Variants in TULP4 observed in about 807,000 individuals in gnomAD.
TULP4 encodes TUB like protein 4.
TULP4 carries 16 observed loss-of-function variants against 129.0 expected under a neutral mutation model. That is an observed-to-expected ratio of 0.12 (90% CI 0.08 to 0.19). The LOEUF is 0.19. Ranked by LOEUF, TULP4 falls within the 10% of genes least tolerant of loss-of-function variation. The probability of loss-of-function intolerance (pLI) is 1.00; values close to 1 mark genes in which losing one functional copy is unlikely to be tolerated. For missense variants in TULP4, 1,842 were observed against 2,059.1 expected (o/e 0.89, Z 2.04); for synonymous variants, 998 against 854.0 (o/e 1.17, Z -2.94).
chr6:158,465,450 G>T (rs944625655), intron 6 of TULP4, among the ~76,000 whole-genome samples: 1 of 152,128 alleles, frequency 6.6e-6, no homozygotes, highest in Non-Finnish European at 1.5e-5. Context: ...TAATTCTTCT[G>T]TGAACATGGG....
intron 1 of TULP4, among the ~76,000 whole-genome samples, chr6:158,236,744 A>C (rs9364865): frequency 0.16 from 23,342 of 150,418 alleles, 2,465 homozygotes; most frequent in East Asian, 0.43. Context: ...ATCAGCACAC[A>C]CAGATAAAGG....
intron 3 of TULP4, among the ~76,000 whole-genome samples, chr6:158,437,453 C>T (rs1778776494): frequency 6.6e-6 from 1 of 152,048 alleles, no homozygotes; most frequent in South Asian, 2.1e-4. Flanking sequence ...CCCAGCTACT[C>T]AGGAGGCTGA....
intron 9 of TULP4, among the ~76,000 whole-genome samples, chr6:158,491,231 G>T (rs558383253): frequency 6.6e-6 from 1 of 152,276 alleles, no homozygotes; most frequent in South Asian, 2.1e-4. Context: ...TCTGATAGGT[G>T]TAGTGGCATC....
At chr6:158,256,408 A>G (rs113120107) in intron 1 of TULP4, among the ~76,000 whole-genome samples, 1,817 of 152,264 alleles carry the variant, frequency 0.012, 43 homozygotes, top group African/African-American at 0.041. Context: ...CATGTTTTCT[A>G]CTTTAAGGGT....
rs564797331 is a variant in TULP4, at chr6:158,378,776, C to T, written c.253-34289C>T. ...CTGGGATTACAGGCATGCGCTACCG[C>T]GCCTGGCCAGGGGAGCCAGTTTTGA... On this transcript the variant is annotated intron_variant, in intron 1 of 13. Transcript: ENST00000367097. Among the ~76,000 whole-genome samples, 5 of 143,844 alleles carry T rather than the reference C, an allele frequency of 3.5e-5. No individual in the cohort carries two copies. In the South Asian group the frequency reaches 6.5e-4, roughly 19 times the overall value. The allele number at this position is 143,844 out of a possible 152,430, so 94.4% of individuals were successfully genotyped here. A position where few individuals can be genotyped will look rare whatever the true frequency, so the allele number is the denominator to read the frequency against.
At chr6:158,399,408 A>G (rs1323896746) in intron 1 of TULP4, among the ~76,000 whole-genome samples, 1 of 152,246 alleles carries the variant, frequency 6.6e-6, no homozygotes, top group Non-Finnish European at 1.5e-5. Context: ...TGAAAACTTC[A>G]ATGTGTATGT....
chr6:158,310,096 T>C (rs1779316399), upstream of TULP4, among the ~76,000 whole-genome samples: 1 of 152,202 alleles, frequency 6.6e-6, no homozygotes, highest in Admixed American at 6.5e-5. Context: ...ACTTGGGGTA[T>C]TAGCCCATTT....
intron 1 of TULP4, among the ~76,000 whole-genome samples, chr6:158,319,885 A>G (rs777704424): frequency 3.5e-4 from 53 of 152,222 alleles, no homozygotes; most frequent in Non-Finnish European, 1.0e-4. Flanking sequence ...CCTGTGATAC[A>G]TAGCTTCATA....
upstream of TULP4, among the ~76,000 whole-genome samples, chr6:158,311,424 T>G (rs1426758813): frequency 8.5e-5 from 13 of 152,232 alleles, 1 homozygote; most frequent in South Asian, 2.1e-3. Flanking sequence ...GTAGAGGATG[T>G]GATGCAGCCT....
chr6:158,300,712 G>C (rs1779116178), intron 1 of TULP4, among the ~76,000 whole-genome samples: 1 of 152,200 alleles, frequency 6.6e-6, no homozygotes, highest in African/African-American at 2.4e-5. Context: ...GGTGTCTACA[G>C]AAACATGTAC....
intron 1 of TULP4, among the ~76,000 whole-genome samples, chr6:158,333,262 A>T (rs1779953322): frequency 1.3e-5 from 2 of 152,166 alleles, no homozygotes; most frequent in African/African-American, 4.8e-5. Context: ...TTAACATTAG[A>T]TGAAGTCATG....
At chr6:158,325,528 AT>A (rs1779726490) in intron 1 of TULP4, among the ~76,000 whole-genome samples, 1 of 151,640 alleles carries the variant, frequency 6.6e-6, no homozygotes. Flanking sequence ...AATTTTTTGT[AT>A]TTTTAGTAGA....
At chr6:158,282,458 C>T (rs1249989619) in intron 1 of TULP4, 1 of 151,814 alleles carries the variant, frequency 6.6e-6, no homozygotes, top group African/African-American at 2.4e-5. Context: ...AACTAATGTT[C>T]ATTATGTCCA....
chr6:158,481,230 G>T lies in TULP4; in HGVS notation c.1427G>T (p.Arg476Leu). Residue 476 changes from arginine to leucine, a missense_variant, in exon 8 of 14, where the codon CGC (arginine) becomes CTC (leucine). This residue lies in a region of TULP4 where 456 missense variants were observed against 534.3 expected (regional missense o/e 0.85). Coordinates refer to ENST00000367097, the MANE Select transcript of TULP4 (RefSeq NM_020245.5). ...CTTGTGCCCATCCTCAAAGGGCGGCGCATCAGCAAGCTGCGGCCAGAGTTC... is the reference window on the plus strand; with the variant it reads ...CTTGTGCCCATCCTCAAAGGGCGGCTCATCAGCAAGCTGCGGCCAGAGTTC... ...GGLVPILKGR[R>L]ISKLRPEFVI... 6.2e-7 allele frequency: 1 copy of T among 1,614,230 alleles called. No individual in the cohort carries two copies. The highest frequency in any genetic ancestry group is 1.1e-5 in the South Asian group (1 of 91,092).
chr6:158,380,606 G>T (rs1212871115), intron 1 of TULP4, among the ~76,000 whole-genome samples: 1 of 152,048 alleles, frequency 6.6e-6, no homozygotes, highest in Non-Finnish European at 1.5e-5. Context: ...CAGATAAAAA[G>T]ACAGGAGGCC....
chr6:158,501,545 A>G, intron 12 of TULP4, 133 bp from the exon 13 acceptor site: 1 of 893,648 alleles, frequency 1.1e-6, no homozygotes, highest in Admixed American at 2.8e-5. Flanking sequence ...CCCCAAGCAG[A>G]CACGTCTCTG....
chr6:158,296,866 G>A (rs1376023345), intron 1 of TULP4, among the ~76,000 whole-genome samples: 1 of 152,140 alleles, frequency 6.6e-6, no homozygotes, highest in Non-Finnish European at 1.5e-5. Context: ...GGGCAAAAAA[G>A]CAGAGCAAAG....
intron 1 of TULP4, among the ~76,000 whole-genome samples, chr6:158,243,040 G>C (rs1777954436): frequency 6.6e-6 from 1 of 152,096 alleles, no homozygotes. Context: ...GCCCGCCTCG[G>C]CCTCCCAAAG....
At chr6:158,385,452 T>G (rs1271849371) in intron 1 of TULP4, among the ~76,000 whole-genome samples, 1 of 152,118 alleles carries the variant, frequency 6.6e-6, no homozygotes, top group Non-Finnish European at 1.5e-5. Context: ...GTCAGCAGAC[T>G]CTGGCTGCAC....
Sources: allele counts gnomAD v4.1 joint callset (sites outside exome capture counted in the v4.1 genomes callset), GRCh38; gene constraint gnomAD v4.1.1; regional missense constraint gnomAD v4.1.1; transcripts MANE v1.5; gene names NCBI Gene and HGNC (gene_info 2026-07-23, HGNC 2026-07-21).